Variants in CBY3 observed in about 807,000 individuals in gnomAD.
CBY3 encodes chibby family member 3, also known as sperm annulus positioning complex subunit Chibby3.
Under a neutral mutation model 3.0 loss-of-function variants are expected in CBY3, and 7 were observed. The ratio of observed to expected loss-of-function variants is 2.32; its 90% CI spans 1.32 to 4.35. The LOEUF is 4.35. CBY3 is among the 30% of genes most tolerant of loss of function. The pLI, the probability that CBY3 is intolerant of heterozygous loss-of-function variation, is 0.00. For missense variants in CBY3, 400 were observed against 336.4 expected, an observed-to-expected ratio of 1.19 and a Z score of -1.48; for synonymous variants, 170 against 154.5, an observed-to-expected ratio of 1.10 and a Z score of -0.74.
At chr5:179,679,342 T>C in intron 1 of CBY3, 77 bp from the exon 2 acceptor site, 1 of 1,248,588 alleles carries the variant, frequency 8.0e-7, no homozygotes, top group Non-Finnish European at 1.1e-6. Context: ...CGGACATGTC[T>C]TAGCCCTGCA....
chr5:179,680,149 G>A (rs1173143607), intron 1 of CBY3, among the ~76,000 whole-genome samples: 1 of 151,926 alleles, frequency 6.6e-6, no homozygotes, highest in Non-Finnish European at 1.5e-5. Context: ...ACACGAGCTT[G>A]GATAGGATTG....
At position 179,679,100 on chromosome 5, in the gene CBY3, C is replaced by A. The variant is rs1443481832; in HGVS notation, c.212G>T (p.Arg71Leu). ...AAACTGCTGCAGCGTCTGCCACAGG[C>A]GGCTGGCATGGCTCGTAGCCGAGCA... is the stretch of plus-strand genomic sequence containing the variant. ...FECSATSHAS[R>L]LWQTLQQFWA... The change falls in exon 2 of 2, where the codon CGC becomes CTC. Residue 71 changes from arginine (R) to leucine (L), a missense_variant. Coordinates refer to ENST00000376974, the MANE Select transcript of CBY3 (RefSeq NM_001164444.2). 19 of 1,535,804 alleles carry A rather than the reference C, an allele frequency of 1.2e-5. No homozygotes were observed. The highest frequency in any genetic ancestry group is 1.7e-5 in the Non-Finnish European group (19 of 1,146,692).
At chr5:179,679,320 C>T (rs898804024) in intron 1 of CBY3, 55 bp from the exon 2 acceptor site, 1 of 1,382,152 alleles carries the variant, frequency 7.2e-7, no homozygotes, top group African/African-American at 1.4e-5. Context: ...GCCTCTCAAA[C>T]CGCGAGGCCG....
At chr5:179,679,694 C>T (rs139802466) in intron 1 of CBY3, among the ~76,000 whole-genome samples, 2,655 of 152,054 alleles carry the variant, frequency 0.017, 35 homozygotes, top group Non-Finnish European at 0.025. Flanking sequence ...GTCTCGCTGT[C>T]GTTGCCCGAG....
In CBY3 at chr5:179,678,828, C is replaced by T. The variant is rs1446393417; in HGVS notation, c.484G>A (p.Ala162Thr). ...LLSRTAWGWK[A>T]QVQRSKSQVL... ...TGGCTTTTGGACCGCTGCACCTGCGCCTTCCAGCCCCAGGCGGTCCGCGAG... is the reference window on the plus strand; with the variant it reads ...TGGCTTTTGGACCGCTGCACCTGCGTCTTCCAGCCCCAGGCGGTCCGCGAG... The change falls in exon 2 of 2, where the codon GCG becomes ACG. Residue 162 changes from alanine to threonine, a missense_variant. Coordinates refer to ENST00000376974, the MANE Select transcript of CBY3 (RefSeq NM_001164444.2). 1.3e-6 allele frequency: 2 copies of T among 1,537,024 alleles called. No individual in the cohort carries two copies. The highest frequency in any genetic ancestry group is 1.2e-5 in the South Asian group (1 of 84,064).
At position 179,678,614 on chromosome 5, in the gene CBY3, AT is replaced by A; in HGVS notation, c.697del (p.Met233Ter). 1 of 1,530,556 alleles carries A rather than the reference AT, an allele frequency of 6.5e-7. No individual in the cohort carries two copies. The highest frequency in any genetic ancestry group is 8.8e-7 in the Non-Finnish European group (1 of 1,142,666). The allele number at this position is 1,530,556 out of a possible 1,614,324, so 94.8% of individuals were successfully genotyped here. Reference sequence around the variant, plus strand: ...CGAGTCCAGAGCGCACGGCTGGATCATGAGCACGCCCGCGCTGGCGCCTGCG... The same window carrying A: ...CGAGTCCAGAGCGCACGGCTGGATCAGAGCACGCCCGCGCTGGCGCCTGCG... ...KRAGASAGVLMIQPCALDSQ is the reference protein window; with the variant it reads ...KRAGASAGVLXIQPCALDSQ On this transcript the variant is annotated frameshift_variant, in exon 2 of 2. Coordinates refer to ENST00000376974, the MANE Select transcript of CBY3 (RefSeq NM_001164444.2). LOFTEE classifies it high-confidence loss of function.
rs1369360341 is a variant in CBY3, at chr5:179,678,643, C to G, written c.669G>C (p.Lys223Asn). 2.6e-6 allele frequency: 4 copies of G among 1,533,874 alleles called. No homozygotes were observed. The highest frequency in any genetic ancestry group is 2.4e-5 in the South Asian group (2 of 83,886). The change falls in exon 2 of 2, where the codon AAG becomes AAC. Residue 223 changes from lysine (K) to asparagine (N), a missense_variant. Transcript: ENST00000376974. ...AARAGQRKMRKRAGASAGVLM... is the reference protein window; with the variant it reads ...AARAGQRKMRNRAGASAGVLM... The stretch of plus-strand genomic sequence containing the variant: ...GCACGCCCGCGCTGGCGCCTGCGCG[C>G]TTGCGCATCTTCCTCTGCCCGGCGC...
In CBY3 at chr5:179,678,881, T is replaced by A. The variant is rs990600735; in HGVS notation, c.431A>T (p.Gln144Leu). 6.5e-7 allele frequency: 1 copy of A among 1,535,654 alleles called. No homozygotes were observed. The highest frequency in any genetic ancestry group is 8.7e-7 in the Non-Finnish European group (1 of 1,146,118). Reference sequence around the variant, plus strand: ...CAGCGGCGACCGCGTCCTCGCCAGCTGGCTCTCAGTGGTCCACCGCCCGCC... The same window carrying A: ...CAGCGGCGACCGCGTCCTCGCCAGCAGGCTCTCAGTGGTCCACCGCCCGCC... Reference protein sequence around the residue: ...FRGGRWTTESQLARTRSPLLS... With the variant: ...FRGGRWTTESLLARTRSPLLS... Residue 144 changes from glutamine (Q) to leucine (L), a missense_variant, in exon 2 of 2, where the codon CAG becomes CTG. Physicochemically the swap from Gln to Leu is moderately radical, Grantham distance 113. Transcript: ENST00000376974.
rs1161218363 is a variant in CBY3, at chr5:179,678,624, C to T, written c.688G>A (p.Gly230Ser). The change falls in exon 2 of 2, where the codon GGC becomes AGC. Residue 230 changes from glycine to serine, a missense_variant. Physicochemically the swap from Gly to Ser is moderately conservative, Grantham distance 56 (BLOSUM62 0). Transcript: ENST00000376974. ...GCGCACGGCTGGATCATGAGCACGC[C>T]CGCGCTGGCGCCTGCGCGCTTGCGC... Reference protein sequence around the residue: ...KMRKRAGASAGVLMIQPCALD... With the variant: ...KMRKRAGASASVLMIQPCALD... 2 of 1,532,310 alleles carry T rather than the reference C, an allele frequency of 1.3e-6. No individual in the cohort carries two copies. Among genetic ancestry groups the T allele is most frequent in the Admixed American group, 2.0e-5 (1 of 50,710 alleles). 94.9% of individuals were successfully genotyped at this position (1,532,310 alleles called of 1,614,324 possible). A position where few individuals can be genotyped will look rare whatever the true frequency, so the allele number is the denominator to read the frequency against.
At chr5:179,680,199 C>T (rs1562426551) in intron 1 of CBY3, among the ~76,000 whole-genome samples, 1 of 151,986 alleles carries the variant, frequency 6.6e-6, no homozygotes. Flanking sequence ...GAAGGTGGAC[C>T]AGTGCACTAT....
At chr5:179,679,495 A>G (rs1775998138) in intron 1 of CBY3, among the ~76,000 whole-genome samples, 1 of 152,178 alleles carries the variant, frequency 6.6e-6, no homozygotes, top group Admixed American at 6.6e-5. Context: ...CAGATGAAGG[A>G]CGGGAGGAGG....
intron 1 of CBY3, 114 bp from the exon 2 acceptor site, chr5:179,679,379 G>T: frequency 1.1e-6 from 1 of 908,516 alleles, no homozygotes; most frequent in African/African-American, 1.7e-5. Context: ...TGTCTCACCA[G>T]CTGCTGGCCA....
At chr5:179,680,558 G>C (rs1273157877) in intron 1 of CBY3, among the ~76,000 whole-genome samples, 1 of 152,076 alleles carries the variant, frequency 6.6e-6, no homozygotes, top group East Asian at 1.9e-4. Flanking sequence ...CCTATGCATA[G>C]GGCTCAAAGT....
In CBY3 at chr5:179,679,263, C is replaced by G; in HGVS notation, c.49G>C (p.Ala17Pro). 6.6e-7 allele frequency: 1 copy of G among 1,521,504 alleles called. No individual in the cohort carries two copies. The highest frequency in any genetic ancestry group is 8.8e-7 in the Non-Finnish European group (1 of 1,139,304). 94.3% of individuals were successfully genotyped at this position (1,521,504 alleles called of 1,614,324 possible). A position where few individuals can be genotyped will look rare whatever the true frequency, so the allele number is the denominator to read the frequency against. ...HLPEPDLGDA[A>P]PPGSPSSFWT... ...AATGATGAAGGCGAGCCAGGGGGCG[C>G]TGCTGGGAGACAAGAGTCCGGGTGA... Residue 17 changes from alanine (A) to proline (P), a missense_variant and splice_region_variant, in exon 2 of 2, where the codon GCG (alanine) becomes CCG (proline). Ala to Pro is a conservative substitution (Grantham distance 27, BLOSUM62 -1). Coordinates refer to ENST00000376974, the MANE Select transcript of CBY3 (RefSeq NM_001164444.2).
chr5:179,679,125 A>G lies in CBY3; in HGVS notation c.187T>C (p.Cys63Arg), dbSNP rs1397653593. ...YKVHALATFE[C>R]SATSHASRLW... ...CGGCTGGCATGGCTCGTAGCCGAGC[A>G]CTCGAAGGTTGCCAGGGCGTGGACC... is the stretch of plus-strand genomic sequence containing the variant. The change falls in exon 2 of 2, where the codon TGC becomes CGC. Residue 63 changes from cysteine (C) to arginine (R), a missense_variant. Transcript: ENST00000376974. 20 of 1,535,498 alleles carry G rather than the reference A, an allele frequency of 1.3e-5. No homozygotes were observed. The highest frequency in any genetic ancestry group is 8.7e-6 in the Non-Finnish European group (10 of 1,146,840).
At position 179,679,036 on chromosome 5, in the gene CBY3, C is replaced by T; in HGVS notation, c.276G>A (p.Arg92=). The part of the protein sequence containing the change: ...DHISRPFSPR[R]PPLRRMPSLS... Reference sequence around the variant, plus strand: ...GGGAGGGCATGCGGCGCAGTGGCGGCCGCCGTGGCGAGAAGGGCCGCGAGA... The same window carrying T: ...GGGAGGGCATGCGGCGCAGTGGCGGTCGCCGTGGCGAGAAGGGCCGCGAGA... The change falls in exon 2 of 2, where the codon CGG becomes CGA. Residue 92 remains arginine (R), a synonymous_variant. Transcript: ENST00000376974. 1 of 1,534,398 alleles carries T rather than the reference C, an allele frequency of 6.5e-7. No homozygotes were observed. The highest frequency in any genetic ancestry group is 8.7e-7 in the Non-Finnish European group (1 of 1,145,824).
At chr5:179,680,448 G>A (rs1195704002) in intron 1 of CBY3, among the ~76,000 whole-genome samples, 3 of 152,132 alleles carry the variant, frequency 2.0e-5, no homozygotes, top group Non-Finnish European at 2.9e-5. Flanking sequence ...GCCTCTGCCT[G>A]CCCTCAAGGT....
chr5:179,680,760 A>G, intron 1 of CBY3, 113 bp downstream of exon 1: 1 of 756,598 alleles, frequency 1.3e-6, no homozygotes, highest in Non-Finnish European at 2.2e-6. Flanking sequence ...TCTTCTGCCC[A>G]TGGGCAGTGA....
chr5:179,680,947 T>C lies in CBY3; in HGVS notation c.-29A>G, dbSNP rs2127761439. 6.5e-7 allele frequency: 1 copy of C among 1,532,256 alleles called. No individual in the cohort carries two copies. Among genetic ancestry groups the C allele is most frequent in the East Asian group, 2.4e-5 (1 of 40,876 alleles). 94.9% of individuals were successfully genotyped at this position (1,532,256 alleles called of 1,614,324 possible). The stretch of plus-strand genomic sequence containing the variant: ...GGCCCACCCTTGAGATTGTATCTTC[T>C]CGGAGGATGTTTCCCCGTTAGTCCT... On this transcript the variant is annotated 5_prime_UTR_variant, in exon 1 of 2. Coordinates refer to ENST00000376974, the MANE Select transcript of CBY3 (RefSeq NM_001164444.2).
Sources: gnomAD v4.1 joint callset for allele counts (sites outside exome capture counted in the v4.1 genomes callset) on GRCh38, gnomAD v4.1.1 for gene constraint, MANE v1.5 for transcripts, NCBI Gene and HGNC (gene_info 2026-07-23, HGNC 2026-07-21) for gene names.